The following RUNX1T1 variants were observed in gnomAD, a reference collection of about 807,000 sequenced individuals.
The protein encoded by RUNX1T1 is protein CBFA2T1.
In RUNX1T1, 4 loss-of-function variants were observed where a neutral mutation model predicts 62.8. The ratio of observed to expected loss-of-function variants is 0.06; its 90% CI spans 0.03 to 0.15. The LOEUF (loss-of-function observed/expected upper bound fraction) is 0.15. RUNX1T1 is among the 10% of genes least tolerant of loss of function. RUNX1T1 has a pLI of 1.00. For missense variants in RUNX1T1, 508 were observed against 754.3 expected (o/e 0.67, Z 3.82); for synonymous variants, 291 against 286.0 (o/e 1.02, Z -0.18).
intron 2 of RUNX1T1, among the ~76,000 whole-genome samples, chr8:92,069,436 A>G (rs1003805121): frequency 6.6e-5 from 10 of 152,118 alleles, no homozygotes; most frequent in Non-Finnish European, 1.3e-4. Context: ...AATTTTTTTC[A>G]TCATATTTTC....
rs558126171 is a variant in RUNX1T1, at chr8:92,091,261, C to T, written c.-86+8319G>A. Among the ~76,000 whole-genome samples, 17 of 152,274 alleles carry T rather than the reference C, an allele frequency of 1.1e-4. No individual in the cohort carries two copies. The South Asian group carries it at 3.1e-3, about 28-fold the overall frequency. On this transcript the variant is annotated intron_variant, in intron 1 of 11. Coordinates refer to the RUNX1T1 transcript ENST00000265814. ...GATATGAAACCGACCAAAACAAATG[C>T]CTGCTTTATTCCTTCATGAATTACT...
At chr8:92,019,965 G>T (rs1823770354) in intron 1 of RUNX1T1, among the ~76,000 whole-genome samples, 1 of 152,148 alleles carries the variant, frequency 6.6e-6, no homozygotes, top group South Asian at 2.1e-4. Flanking sequence ...ATAGGAATAT[G>T]AACATTCTAG....
chr8:92,084,679 T>C (rs1186448422), intron 1 of RUNX1T1, among the ~76,000 whole-genome samples: 1 of 152,144 alleles, frequency 6.6e-6, no homozygotes, highest in Admixed American at 6.5e-5. Flanking sequence ...ATTCTATCTT[T>C]GGGGAGGAAG....
intron 1 of RUNX1T1, among the ~76,000 whole-genome samples, chr8:92,080,304 C>G (rs2130809886): frequency 6.6e-6 from 1 of 152,322 alleles, no homozygotes; most frequent in East Asian, 1.9e-4. Flanking sequence ...TGATCTTTTT[C>G]TCTTCTTTAT....
At chr8:92,084,196 T>C (rs1035353665) in intron 1 of RUNX1T1, among the ~76,000 whole-genome samples, 3 of 150,000 alleles carry the variant, frequency 2.0e-5, no homozygotes, top group South Asian at 4.2e-4. Context: ...TGTATACCTA[T>C]GTAACAAACC....
intron 1 of RUNX1T1, chr8:92,094,992 A>G: frequency 2.7e-6 from 4 of 1,488,594 alleles, no homozygotes; most frequent in Non-Finnish European, 1.8e-6. Context: ...GGCAAAACTA[A>G]ACCCAATTAA....
At chr8:92,060,632 T>C (rs1185493620) in intron 1 of RUNX1T1, among the ~76,000 whole-genome samples, 3 of 148,624 alleles carry the variant, frequency 2.0e-5, no homozygotes, top group Non-Finnish European at 3.0e-5. Flanking sequence ...TCAGAGTGCA[T>C]AGAACACAAC....
chr8:91,972,900 G>T (rs140133146), intron 9 of RUNX1T1, among the ~76,000 whole-genome samples: 207 of 152,090 alleles, frequency 1.4e-3, no homozygotes, highest in African/African-American at 4.9e-3. Flanking sequence ...CTTTATGTTA[G>T]ATTTTTTCCA....
At chr8:92,071,562 C>G (rs536504036) in intron 2 of RUNX1T1, among the ~76,000 whole-genome samples, 1 of 152,022 alleles carries the variant, frequency 6.6e-6, no homozygotes, top group African/African-American at 2.4e-5. Context: ...GGGGACACAG[C>G]ATTGGCAGGA....
intron 5 of RUNX1T1, among the ~76,000 whole-genome samples, chr8:91,992,401 T>C (rs1817860432): frequency 6.6e-6 from 1 of 152,222 alleles, no homozygotes; most frequent in African/African-American, 2.4e-5. Flanking sequence ...TAACTTAAAA[T>C]GTAAGTTACT....
chr8:92,074,445 C>A (rs958148001), intron 2 of RUNX1T1, among the ~76,000 whole-genome samples: 1 of 152,072 alleles, frequency 6.6e-6, no homozygotes, highest in African/African-American at 2.4e-5. Flanking sequence ...TTTTAATCTG[C>A]ATCTTAGATA....
At chr8:91,976,648 C>T (rs535440352) in intron 8 of RUNX1T1, among the ~76,000 whole-genome samples, 1 of 152,136 alleles carries the variant, frequency 6.6e-6, no homozygotes, top group African/African-American at 2.4e-5. Flanking sequence ...GCTTACTAGG[C>T]GTCTCAAATT....
chr8:91,970,931 A>T, intron 9 of RUNX1T1, 83 bp from the exon 11 acceptor site: 15 of 1,153,510 alleles, frequency 1.3e-5, no homozygotes, highest in South Asian at 2.1e-5. Flanking sequence ...TTTTCTTTTA[A>T]TTTTTTTTTT....
At chr8:91,959,714 A>G (rs1180814479) in exon 11 of RUNX1T1, 2 of 228,848 alleles carry the variant, frequency 8.7e-6, no homozygotes, top group African/African-American at 4.4e-5. Context: ...AAGTTCAGTT[A>G]GCAACCCACG....
chr8:92,021,932 T>C (rs145295694), intron 1 of RUNX1T1, among the ~76,000 whole-genome samples: 1 of 150,534 alleles, frequency 6.6e-6, no homozygotes, highest in African/African-American at 2.4e-5. Flanking sequence ...ACTTGCACAT[T>C]CTTCACTGCT....
At chr8:92,056,630 AG>A (rs1168183262) in intron 1 of RUNX1T1, among the ~76,000 whole-genome samples, 1 of 150,528 alleles carries the variant, frequency 6.6e-6, no homozygotes, top group Admixed American at 6.6e-5. Flanking sequence ...TCTTTGCAGG[AG>A]GTGGGGGATG....
At chr8:92,001,808 A>G (rs977100559) in intron 5 of RUNX1T1, among the ~76,000 whole-genome samples, 2 of 152,220 alleles carry the variant, frequency 1.3e-5, no homozygotes, top group African/African-American at 4.8e-5. Context: ...CTGAGAAAAG[A>G]AAGACAGCAA....
intron 1 of RUNX1T1, among the ~76,000 whole-genome samples, chr8:92,057,565 C>T (rs868655118): frequency 7.9e-5 from 12 of 152,090 alleles, no homozygotes; most frequent in African/African-American, 2.7e-4. Context: ...AGATTTATTC[C>T]GTTCAGAGAC....
chr8:92,049,361 T>C (rs1482921534), intron 1 of RUNX1T1, among the ~76,000 whole-genome samples: 4 of 152,214 alleles, frequency 2.6e-5, no homozygotes, highest in Non-Finnish European at 4.4e-5. Context: ...TTCTGAACTG[T>C]GATGCCCACC....
Sources: gnomAD v4.1 joint callset for allele counts (sites outside exome capture counted in the v4.1 genomes callset) on GRCh38, gnomAD v4.1.1 for gene constraint, MANE v1.5 for transcripts, NCBI Gene and HGNC (gene_info 2026-07-23, HGNC 2026-07-21) for gene names.